The following ATP8B4 variants were observed in gnomAD, a reference collection of about 807,000 sequenced individuals.
ATP8B4 encodes the protein probable phospholipid-transporting ATPase IM.
ATP8B4 carries 133 observed loss-of-function variants against 145.6 expected under a neutral mutation model. The observed-to-expected ratio is 0.91, with a 90% confidence interval of 0.79 to 1.05. ATP8B4 has a LOEUF of 1.05. ATP8B4 is among the 50% of genes least tolerant of loss of function. ATP8B4 has a pLI of 0.00. For synonymous variants in ATP8B4, 507 were observed against 492.9 expected, an observed-to-expected ratio of 1.03 and a Z score of -0.38; for missense variants, 1,458 against 1,425.2, an observed-to-expected ratio of 1.02 and a Z score of -0.37.
intron 14 of ATP8B4, among the ~76,000 whole-genome samples, chr15:49,957,282 T>C (rs1462552547): frequency 6.6e-6 from 1 of 152,022 alleles, no homozygotes; most frequent in African/African-American, 2.4e-5. Flanking sequence ...ATTTAAAGTA[T>C]TATGTAAACA....
intron 23 of ATP8B4, among the ~76,000 whole-genome samples, chr15:49,891,832 T>C (rs907114630): frequency 6.6e-6 from 1 of 152,074 alleles, no homozygotes; most frequent in Non-Finnish European, 1.5e-5. Context: ...AACAACATCT[T>C]GGGCCGGGCA....
intron 2 of ATP8B4, among the ~76,000 whole-genome samples, chr15:50,088,782 C>A (rs1448361774): frequency 1.3e-5 from 2 of 152,130 alleles, no homozygotes; most frequent in African/African-American, 4.8e-5. Context: ...GGAACAGTGT[C>A]TAGCACATAA....
intron 1 of ATP8B4, among the ~76,000 whole-genome samples, chr15:50,172,154 C>G (rs1342731469): frequency 3.9e-5 from 6 of 152,342 alleles, no homozygotes; most frequent in African/African-American, 1.2e-4. Flanking sequence ...CTCCCTCCCA[C>G]TCCCGCTCCC....
intron 1 of ATP8B4, among the ~76,000 whole-genome samples, chr15:50,153,098 T>C (rs549633566): frequency 3.9e-5 from 6 of 152,302 alleles, no homozygotes; most frequent in African/African-American, 1.4e-4. Context: ...ACTGCATGGC[T>C]CTTGGAAAAA....
At chr15:50,131,025 C>A (rs1214936599) in intron 1 of ATP8B4, among the ~76,000 whole-genome samples, 1 of 137,038 alleles carries the variant, frequency 7.3e-6, no homozygotes, top group Non-Finnish European at 1.7e-5. Flanking sequence ...ACCTTCTTCA[C>A]AAGGCAGCAG....
chr15:49,947,857 AAGACTATAC>A (rs1413340461), intron 14 of ATP8B4, among the ~76,000 whole-genome samples: 1 of 151,622 alleles, frequency 6.6e-6, no homozygotes, highest in East Asian at 1.9e-4. Context: ...CAAGGGTTCC[AAGACTATAC>A]AGCAGGGAAA....
chr15:49,897,267 CAA>C (rs748489704), intron 23 of ATP8B4, 23 bp downstream of exon 23: 1 of 1,487,234 alleles, frequency 6.7e-7, no homozygotes. Context: ...AACAAACAAA[CAA>C]AAAAAAACAT....
chr15:49,884,535 G>A (rs2035914369), intron 23 of ATP8B4, among the ~76,000 whole-genome samples: 3 of 147,494 alleles, frequency 2.0e-5, no homozygotes, highest in African/African-American at 7.5e-5. Flanking sequence ...GTGGGAGGCA[G>A]AGGCTGCAGT....
chr15:50,025,946 A>T (rs1449377482), intron 6 of ATP8B4, among the ~76,000 whole-genome samples: 3 of 152,220 alleles, frequency 2.0e-5, no homozygotes, highest in Non-Finnish European at 4.4e-5. Context: ...TGGGAATATG[A>T]TCAGGACATT....
intron 3 of ATP8B4, among the ~76,000 whole-genome samples, chr15:50,071,383 A>C (rs1297358552): frequency 6.6e-6 from 1 of 152,180 alleles, no homozygotes; most frequent in African/African-American, 2.4e-5. Flanking sequence ...AATTGAAAAG[A>C]GCGTATCACT....
chr15:50,147,081 G>A (rs11070753), intron 1 of ATP8B4, among the ~76,000 whole-genome samples: 1 of 152,036 alleles, frequency 6.6e-6, no homozygotes, highest in Admixed American at 6.6e-5. Context: ...TTGGTGTTGG[G>A]TTACGAAGTT....
rs187627973 is a variant in ATP8B4, at chr15:49,957,016, T to G, written c.1287+4961A>C. Among the ~76,000 whole-genome samples, 10 of 152,100 alleles carry G rather than the reference T, an allele frequency of 6.6e-5. No homozygotes were observed. In the East Asian group the frequency reaches 1.7e-3, roughly 26 times the overall value. ...AATAGATTAGGATGACAAAACAAAA[T>G]GCAAATATTACACACTTGACTATGT... On this transcript the variant is annotated intron_variant, in intron 14 of 27. Transcript: ENST00000284509.
At chr15:50,056,892 A>AT (rs1050226384) in intron 3 of ATP8B4, among the ~76,000 whole-genome samples, 2 of 151,792 alleles carry the variant, frequency 1.3e-5, no homozygotes, top group Admixed American at 1.3e-4. Flanking sequence ...ATTTCTTTTT[A>AT]TTTTTTTATT....
At chr15:50,087,339 A>AATAT (rs1555485670) in intron 2 of ATP8B4, among the ~76,000 whole-genome samples, 1 of 133,910 alleles carries the variant, frequency 7.5e-6, no homozygotes, top group African/African-American at 2.8e-5. Context: ...ATTTATATAT[A>AATAT]ATATAGATCT....
chr15:50,041,091 C>G (rs1226672136), intron 5 of ATP8B4, among the ~76,000 whole-genome samples: 1 of 152,210 alleles, frequency 6.6e-6, no homozygotes, highest in Non-Finnish European at 1.5e-5. Flanking sequence ...AGCCAATATT[C>G]TTTCTACTCT....
intron 1 of ATP8B4, among the ~76,000 whole-genome samples, chr15:50,134,744 A>C (rs570531093): frequency 6.6e-6 from 1 of 152,248 alleles, no homozygotes; most frequent in Non-Finnish European, 1.5e-5. Context: ...ATTTGGCAAC[A>C]GAAGGGGAAG....
chr15:50,165,802 T>C (rs1172804641), intron 1 of ATP8B4, among the ~76,000 whole-genome samples: 2 of 152,098 alleles, frequency 1.3e-5, no homozygotes, highest in Non-Finnish European at 2.9e-5. Context: ...AAAATGTTCA[T>C]GTAAAAACTG....
chr15:49,933,412 A>G (rs890371742), intron 15 of ATP8B4, among the ~76,000 whole-genome samples: 2 of 152,082 alleles, frequency 1.3e-5, no homozygotes, highest in Non-Finnish European at 2.9e-5. Context: ...ACCATTATCT[A>G]CCTGTCTCAC....
At chr15:50,111,813 A>G (rs2056960841) in intron 1 of ATP8B4, among the ~76,000 whole-genome samples, 1 of 152,186 alleles carries the variant, frequency 6.6e-6, no homozygotes, top group Non-Finnish European at 1.5e-5. Flanking sequence ...ATTTCTGCAT[A>G]AACATTAGGA....
Sources: gnomAD v4.1 joint callset for allele counts (sites outside exome capture counted in the v4.1 genomes callset) on GRCh38, gnomAD v4.1.1 for gene constraint, MANE v1.5 for transcripts, NCBI Gene and HGNC (gene_info 2026-07-23, HGNC 2026-07-21) for gene names.